RFX7: variants seen among roughly 807,000 people sequenced by gnomAD.
RFX7 encodes the protein DNA-binding protein RFX7.
In RFX7, 26 loss-of-function variants were observed where a neutral mutation model predicts 111.8. That is an observed-to-expected ratio of 0.23 (90% CI 0.17 to 0.32). The LOEUF is 0.32. Among genes scored for constraint, RFX7 ranks in the 10% least tolerant of loss-of-function variants. The pLI, the probability that RFX7 is intolerant of heterozygous loss-of-function variation, is 1.00. For missense variants in RFX7, 1,573 were observed against 1,772.9 expected (o/e 0.89, Z 2.02); for synonymous variants, 624 against 624.4 (o/e 1.00, Z 0.01).
At chr15:56,228,334 T>C (rs763227730) in intron 2 of RFX7, among the ~76,000 whole-genome samples, 1 of 152,192 alleles carries the variant, frequency 6.6e-6, no homozygotes, top group Non-Finnish European at 1.5e-5. Context: ...ATGCTTATGT[T>C]ACACCTTTTG....
intron 2 of RFX7, among the ~76,000 whole-genome samples, chr15:56,225,378 A>G (rs1418947201): frequency 6.6e-6 from 1 of 152,176 alleles, no homozygotes. Flanking sequence ...CATTGTCTTC[A>G]TTATGGAAAG....
At chr15:56,176,167 G>A (rs1332920394) in intron 3 of RFX7, among the ~76,000 whole-genome samples, 3 of 152,130 alleles carry the variant, frequency 2.0e-5, no homozygotes, top group Non-Finnish European at 4.4e-5. Context: ...AAAGTAAATA[G>A]AGCTTCAGAG....
intron 2 of RFX7, among the ~76,000 whole-genome samples, chr15:56,232,912 C>T (rs1373444019): frequency 6.6e-6 from 1 of 152,178 alleles, no homozygotes. Context: ...CAAGGCCATT[C>T]AACAAGTCTC....
At chr15:56,206,098 G>T (rs984207721) in intron 2 of RFX7, among the ~76,000 whole-genome samples, 12 of 151,982 alleles carry the variant, frequency 7.9e-5, no homozygotes, top group African/African-American at 2.9e-4. Flanking sequence ...GTATCAAAAA[G>T]AATAAATGCA....
chr15:56,236,406 T>C (rs1313098830), intron 2 of RFX7, among the ~76,000 whole-genome samples: 2 of 152,158 alleles, frequency 1.3e-5, no homozygotes, highest in African/African-American at 2.4e-5. Context: ...TATTGGCCCA[T>C]GCTTCTCATC....
intron 2 of RFX7, among the ~76,000 whole-genome samples, chr15:56,201,265 G>C (rs1283099720): frequency 2.0e-5 from 3 of 152,158 alleles, no homozygotes; most frequent in Non-Finnish European, 4.4e-5. Flanking sequence ...AAAAAATAAA[G>C]TCGCCAAGTT....
rs565293789 is a variant in RFX7, at chr15:56,117,676, C to T, written c.402-14006G>A. ...GTATCTTCTGTTCTACCTTTTACTT[C>T]TGTGAAACGAACTTTTATCAACTTC... On this transcript the variant is annotated intron_variant, in intron 5 of 9. Coordinates refer to ENST00000559447, the MANE Select transcript of RFX7 (RefSeq NM_022841.7). Among the ~76,000 whole-genome samples, 5 of 152,242 alleles carry T rather than the reference C, an allele frequency of 3.3e-5. No homozygotes were observed. The East Asian group carries it at 9.7e-4, about 29-fold the overall frequency.
chr15:56,140,054 T>C (rs1215660688), intron 5 of RFX7, among the ~76,000 whole-genome samples: 3 of 152,122 alleles, frequency 2.0e-5, no homozygotes, highest in Non-Finnish European at 2.9e-5. Flanking sequence ...CTGCAGAGGT[T>C]ACTGCTGTCT....
chr15:56,202,610 C>A (rs2043204203), intron 2 of RFX7, among the ~76,000 whole-genome samples: 1 of 152,076 alleles, frequency 6.6e-6, no homozygotes, highest in South Asian at 2.1e-4. Flanking sequence ...TTGAAACCAA[C>A]TTCGACAACA....
chr15:56,129,127 A>G (rs2042180778), intron 5 of RFX7, among the ~76,000 whole-genome samples: 1 of 152,204 alleles, frequency 6.6e-6, no homozygotes, highest in East Asian at 1.9e-4. Context: ...TGTAATCCCA[A>G]CACTTTGGGA....
At chr15:56,140,881 A>G (rs915656976) in intron 5 of RFX7, among the ~76,000 whole-genome samples, 1 of 152,250 alleles carries the variant, frequency 6.6e-6, no homozygotes, top group African/African-American at 2.4e-5. Flanking sequence ...TTTTAGGAAT[A>G]TAAGGACTGC....
chr15:56,097,129 T>G (rs2041690038), intron 9 of RFX7, among the ~76,000 whole-genome samples: 1 of 152,206 alleles, frequency 6.6e-6, no homozygotes, highest in Non-Finnish European at 1.5e-5. Context: ...GTATTTCATA[T>G]TTTAATAACA....
intron 2 of RFX7, among the ~76,000 whole-genome samples, chr15:56,207,182 A>G (rs12594245): frequency 0.13 from 19,784 of 152,168 alleles, 1,667 homozygotes; most frequent in East Asian, 0.44. Context: ...CCCAAACTAG[A>G]CAAACACTGT....
intron 8 of RFX7, among the ~76,000 whole-genome samples, chr15:56,099,620 A>G (rs181161339): frequency 2.2e-4 from 33 of 152,180 alleles, no homozygotes; most frequent in Non-Finnish European, 4.3e-4. Flanking sequence ...CTTAATATGG[A>G]GACTATATTT....
In RFX7 at chr15:56,144,426, A is replaced by T; in HGVS notation, c.253T>A (p.Ser85Thr). The T allele has an allele frequency of 7.3e-7, 1 of 1,365,496 alleles. No homozygotes were observed. The highest frequency in any genetic ancestry group is 9.8e-7 in the Non-Finnish European group (1 of 1,019,972). The allele number at this position is 1,365,496 out of a possible 1,614,324, so 84.6% of individuals were successfully genotyped here. Residue 85 changes from serine (S) to threonine (T), a missense_variant, in exon 4 of 10, where the codon TCT (serine) becomes ACT (threonine). Ser to Thr is a moderately conservative substitution (Grantham distance 58, BLOSUM62 1). Coordinates refer to ENST00000559447, the MANE Select transcript of RFX7 (RefSeq NM_022841.7). ...CTTTTCTCTCCATTGCTGAGACCAG[A>T]AGGCAGCTGAAGGTAGAGGTAGAGT... ...EKLYLYLQLP[S>T]GLSNGEKSDQ...
intron 5 of RFX7, among the ~76,000 whole-genome samples, chr15:56,142,342 G>A (rs8024031): frequency 0.31 from 47,297 of 151,944 alleles, 8,304 homozygotes; most frequent in East Asian, 0.41. Flanking sequence ...GTATGGAGAA[G>A]AATTAGAAGA....
intron 3 of RFX7, among the ~76,000 whole-genome samples, chr15:56,174,040 G>A (rs1396392330): frequency 2.0e-5 from 3 of 152,052 alleles, no homozygotes; most frequent in Non-Finnish European, 4.4e-5. Context: ...CACTTTGGGA[G>A]GCTGAGGTGG....
At chr15:56,105,676 A>C (rs1324115955) in intron 5 of RFX7, among the ~76,000 whole-genome samples, 2 of 148,090 alleles carry the variant, frequency 1.4e-5, no homozygotes, top group African/African-American at 5.3e-5. Flanking sequence ...TTACTTTGGC[A>C]GAAGGGGTAG....
In RFX7 at chr15:56,094,237, C is replaced by A. The variant is rs2041639279; in HGVS notation, c.3491G>T (p.Cys1164Phe). The A allele has an allele frequency of 6.2e-7, 1 of 1,613,866 alleles. No homozygotes were observed. Residue 1164 changes from cysteine to phenylalanine, a missense_variant, in exon 10 of 10, where the codon TGC becomes TTC. Transcript: ENST00000559447. ...TNSSASSNFR[C>F]RSVSPAVHRQ... is the part of the protein sequence containing the mutation. ...ATGAACAGCAGGGCTCACACTCCGG[C>A]ATCTGAAGTTGCTGCTGGCAGATGA...
Sources: allele counts gnomAD v4.1 joint callset (sites outside exome capture counted in the v4.1 genomes callset), GRCh38; gene constraint gnomAD v4.1.1; transcripts MANE v1.5; gene names NCBI Gene and HGNC (gene_info 2026-07-23, HGNC 2026-07-21).